The following OSBPL10 variants were observed in gnomAD, a reference collection of about 807,000 sequenced individuals.
OSBPL10 encodes the protein oxysterol-binding protein-related protein 10.
In OSBPL10, 49 loss-of-function variants were observed where a neutral mutation model predicts 81.7. The ratio of observed to expected loss-of-function variants is 0.60; its 90% CI spans 0.48 to 0.76. OSBPL10 has a LOEUF of 0.76. OSBPL10 is among the 30% of genes least tolerant of loss of function. The pLI is 0.00. For synonymous variants in OSBPL10, 419 were observed against 383.6 expected, an observed-to-expected ratio of 1.09 and a Z score of -1.08; for missense variants, 923 against 987.8, an observed-to-expected ratio of 0.93 and a Z score of 0.88.
chr3:31,664,813 G>C (rs1226945647), intron 10 of OSBPL10, among the ~76,000 whole-genome samples: 1 of 151,928 alleles, frequency 6.6e-6, no homozygotes, highest in African/African-American at 2.4e-5. Context: ...CATGCTTATA[G>C]TGCGGGATCT....
chr3:31,847,138 C>T (rs1202452443), intron 3 of OSBPL10, among the ~76,000 whole-genome samples: 1 of 152,040 alleles, frequency 6.6e-6, no homozygotes, highest in Non-Finnish European at 1.5e-5. Context: ...ATTTATCCAC[C>T]AGGTGGTTCC....
At chr3:31,739,870 CATTA>C (rs998032172) in intron 5 of OSBPL10, among the ~76,000 whole-genome samples, 1 of 152,144 alleles carries the variant, frequency 6.6e-6, no homozygotes, top group African/African-American at 2.4e-5. Flanking sequence ...ATTGTTTTTG[CATTA>C]ATTTTGGTTA....
intron 5 of OSBPL10, among the ~76,000 whole-genome samples, chr3:31,738,038 A>G (rs1351821836): frequency 6.6e-6 from 1 of 151,912 alleles, no homozygotes; most frequent in Non-Finnish European, 1.5e-5. Context: ...AAGATGCACA[A>G]CAGAGATCCA....
At chr3:31,905,403 G>A (rs966585482) in intron 1 of OSBPL10, among the ~76,000 whole-genome samples, 1 of 141,290 alleles carries the variant, frequency 7.1e-6, no homozygotes, top group African/African-American at 2.7e-5. Flanking sequence ...AGGCTGGAGT[G>A]TAGTGGCACA....
chr3:31,734,667 G>A (rs1173084780), intron 5 of OSBPL10, among the ~76,000 whole-genome samples: 1 of 152,180 alleles, frequency 6.6e-6, no homozygotes, highest in Admixed American at 6.5e-5. Flanking sequence ...GAGCCAAGGA[G>A]GTCAAGGCTG....
chr3:31,948,321 C>T (rs9816870), intron 1 of OSBPL10, among the ~76,000 whole-genome samples: 75,831 of 151,936 alleles, frequency 0.5, 20,578 homozygotes, highest in African/African-American at 0.73. Context: ...CTCTGGAAAC[C>T]ATCCAGGAAG....
intron 1 of OSBPL10, among the ~76,000 whole-genome samples, chr3:31,895,557 A>G (rs1185636630): frequency 2.6e-5 from 4 of 152,194 alleles, no homozygotes; most frequent in Admixed American, 1.3e-4. Flanking sequence ...TTACAATTGC[A>G]GTCAACGTGG....
rs1272797949 is a variant in OSBPL10, at chr3:31,938,207, C to G, written c.281+42692G>C. On this transcript the variant is annotated intron_variant, in intron 1 of 11. Coordinates refer to ENST00000396556, the MANE Select transcript of OSBPL10 (RefSeq NM_017784.5). ...GCACCTCTATTTTCTTCTTCTCTGA[C>G]AGGCCTCTTCTGTCTACATCTCCTT... Among the ~76,000 whole-genome samples the G allele has an allele frequency of 2.6e-5, 4 of 152,136 alleles. No individual in the cohort carries two copies. The East Asian group carries it at 7.7e-4, about 29-fold the overall frequency.
intron 4 of OSBPL10, among the ~76,000 whole-genome samples, chr3:31,760,463 C>T (rs556598954): frequency 6.1e-4 from 93 of 152,310 alleles, no homozygotes; most frequent in African/African-American, 2.1e-3. Context: ...CTCCCATATG[C>T]TTTAGATCAT....
At chr3:31,819,392 A>G (rs1389911716) in intron 4 of OSBPL10, among the ~76,000 whole-genome samples, 1 of 152,168 alleles carries the variant, frequency 6.6e-6, no homozygotes, top group Non-Finnish European at 1.5e-5. Flanking sequence ...AAGTTGTGAT[A>G]TTTCCACTTT....
At chr3:31,996,529 C>T (rs1324249828) in intron 2 of OSBPL10, among the ~76,000 whole-genome samples, 1 of 152,030 alleles carries the variant, frequency 6.6e-6, no homozygotes, top group Non-Finnish European at 1.5e-5. Context: ...GACCTTAAGG[C>T]TTTTATCTTC....
At chr3:31,937,997 G>C (rs1425400681) in intron 1 of OSBPL10, among the ~76,000 whole-genome samples, 1 of 152,058 alleles carries the variant, frequency 6.6e-6, no homozygotes, top group Admixed American at 6.6e-5. Flanking sequence ...TGGTGTTACT[G>C]TCTTCCTCCC....
At chr3:31,705,403 T>A (rs964256039) in intron 6 of OSBPL10, among the ~76,000 whole-genome samples, 1 of 119,444 alleles carries the variant, frequency 8.4e-6, no homozygotes, top group African/African-American at 3.4e-5. Flanking sequence ...GCGGTCCAAC[T>A]TGGGGGTACA....
At chr3:31,841,247 T>C (rs1490528773) in intron 3 of OSBPL10, among the ~76,000 whole-genome samples, 2 of 152,250 alleles carry the variant, frequency 1.3e-5, no homozygotes, top group African/African-American at 2.4e-5. Context: ...AGATCCTGTC[T>C]TGGACTTTTA....
At chr3:32,054,107 G>T (rs1699689334) in intron 1 of OSBPL10, among the ~76,000 whole-genome samples, 1 of 152,186 alleles carries the variant, frequency 6.6e-6, no homozygotes, top group Non-Finnish European at 1.5e-5. Context: ...AAAGCTTTCT[G>T]CCTTTAACAA....
intron 3 of OSBPL10, among the ~76,000 whole-genome samples, chr3:31,864,373 C>A (rs1436223677): frequency 6.6e-6 from 1 of 152,096 alleles, no homozygotes; most frequent in Non-Finnish European, 1.5e-5. Flanking sequence ...TCCTGAGTAG[C>A]TGGTATGACA....
chr3:31,781,195 C>A (rs6764405), intron 4 of OSBPL10, among the ~76,000 whole-genome samples: 107,787 of 152,124 alleles, frequency 0.71, 38,335 homozygotes, highest in East Asian at 0.8. Context: ...TCACATAAAC[C>A]GAATTAAAAA....
At chr3:31,886,748 TG>T (rs1049862341) in intron 1 of OSBPL10, among the ~76,000 whole-genome samples, 4 of 152,066 alleles carry the variant, frequency 2.6e-5, no homozygotes, top group African/African-American at 9.7e-5. Context: ...GAGACCAGCC[TG>T]GCCAATATGG....
At chr3:31,801,879 ATGGCACGATCT>A (rs1699390418) in intron 4 of OSBPL10, among the ~76,000 whole-genome samples, 1 of 151,772 alleles carries the variant, frequency 6.6e-6, no homozygotes, top group South Asian at 2.1e-4. Context: ...CTGAAGTGCA[ATGGCACGATCT>A]CAGCTCACCA....
Sources: allele counts gnomAD v4.1 joint callset (sites outside exome capture counted in the v4.1 genomes callset), GRCh38; gene constraint gnomAD v4.1.1; transcripts MANE v1.5; gene names NCBI Gene and HGNC (gene_info 2026-07-23, HGNC 2026-07-21).